The following TNS1 variants were observed in gnomAD, a reference collection of about 807,000 sequenced individuals.
TNS1 encodes tensin 1.
A neutral mutation model predicts 168.6 loss-of-function variants in TNS1; 62 were observed. That is an observed-to-expected ratio of 0.37 (90% CI 0.30 to 0.45). The LOEUF (loss-of-function observed/expected upper bound fraction) is 0.45. TNS1 is among the 20% of genes least tolerant of loss of function. The probability of loss-of-function intolerance (pLI) is 1.00; values close to 1 mark genes in which losing one functional copy is unlikely to be tolerated. For synonymous variants in TNS1, 934 were observed against 933.2 expected (o/e 1.00, Z -0.02); for missense variants, 2,240 against 2,339.4 (o/e 0.96, Z 0.88).
At position 217,890,987 on chromosome 2, in the gene TNS1, G is replaced by T; in HGVS notation, c.841C>A (p.Pro281Thr). The T allele has an allele frequency of 6.2e-7, 1 of 1,614,216 alleles. No individual in the cohort carries two copies. The change falls in exon 12 of 33, where the codon CCC (proline) becomes ACC (threonine). Residue 281 changes from proline to threonine, a missense_variant. Physicochemically the swap from Pro to Thr is conservative, Grantham distance 38. Around this residue, in one of 2 missense-constraint regions of TNS1, gnomAD observed 2,131 missense variants for 2,171.2 expected, o/e 0.98. Coordinates refer to ENST00000682258, the MANE Select transcript of TNS1 (RefSeq NM_001387777.1). ...CTTCTTTGGGATGGCTGGCCAATGG[G>T]CACAATCTTATCCTCATAGAACCGC... ...MKRFYEDKIV[P>T]IGQPSQRRYV... is the part of the protein sequence containing the mutation.
chr2:217,836,063 C>T lies in TNS1; in HGVS notation c.3156G>A (p.Pro1052=), dbSNP rs764629972. 22 of 1,613,878 alleles carry T rather than the reference C, an allele frequency of 1.4e-5. No homozygotes were observed. The highest frequency in any genetic ancestry group is 1.1e-4 in the East Asian group (5 of 44,884). ...GVRSPVQCVS[P]ELALTIALNP... ...TGAGAGCGATGGTAAGAGCCAGCTCCGGGGAGACACACTGGACAGGGGAGC... is the reference window on the plus strand; with the variant it reads ...TGAGAGCGATGGTAAGAGCCAGCTCTGGGGAGACACACTGGACAGGGGAGC... The change falls in exon 20 of 33, where the codon CCG becomes CCA. Residue 1052 remains proline (P), a synonymous_variant. Coordinates refer to ENST00000682258, the MANE Select transcript of TNS1 (RefSeq NM_001387777.1).
intron 12 of TNS1, 189 bp downstream of exon 12, chr2:217,890,773 C>A: frequency 1.6e-6 from 1 of 626,800 alleles, no homozygotes; most frequent in Non-Finnish European, 2.8e-6. Flanking sequence ...CGGGCACACA[C>A]CACAGGCTGG....
chr2:218,010,297 C>A (rs561298710), exon 1 of TNS1: 3 of 397,276 alleles, frequency 7.6e-6, no homozygotes, highest in Admixed American at 8.8e-5. Context: ...GGAAGGCGGG[C>A]GCCCTGCCCT....
chr2:217,991,904 GA>G (rs908921183), intron 1 of TNS1, among the ~76,000 whole-genome samples: 4 of 152,050 alleles, frequency 2.6e-5, no homozygotes, highest in Non-Finnish European at 5.9e-5. Context: ...CCTCATGCAT[GA>G]GAGGCAGGCT....
chr2:217,815,583 G>A (rs528661300), intron 24 of TNS1, among the ~76,000 whole-genome samples: 30 of 152,280 alleles, frequency 2.0e-4, no homozygotes, highest in Middle Eastern at 3.4e-3. Flanking sequence ...CTGGGTGGCT[G>A]AGCCACCTCC....
intron 3 of TNS1, among the ~76,000 whole-genome samples, chr2:217,960,048 C>T (rs1414504772): frequency 6.6e-6 from 1 of 152,010 alleles, no homozygotes; most frequent in Non-Finnish European, 1.5e-5. Context: ...AGAAGGGACT[C>T]TCAGTAGGGC....
At chr2:217,892,925 G>A in intron 11 of TNS1, 23 bp downstream of exon 11, 1 of 1,613,306 alleles carries the variant, frequency 6.2e-7, no homozygotes, top group Non-Finnish European at 8.5e-7. Context: ...TTCAGAGGAT[G>A]GGAGGCTCCA....
chr2:217,821,760 G>T lies in TNS1; in HGVS notation c.3552C>A (p.Ser1184Arg), dbSNP rs764784964. The T allele has an allele frequency of 1.3e-6, 2 of 1,494,464 alleles. No homozygotes were observed. Among genetic ancestry groups the T allele is most frequent in the Non-Finnish European group, 1.8e-6 (2 of 1,125,164 alleles). The allele number at this position is 1,494,464 out of a possible 1,614,324, so 92.6% of individuals were successfully genotyped here. A position where few individuals can be genotyped will look rare whatever the true frequency, so the allele number is the denominator to read the frequency against. Residue 1184 changes from serine to arginine, a missense_variant, in exon 23 of 33, where the codon AGC becomes AGA. By Grantham distance (110) the Ser-to-Arg change is moderately radical (BLOSUM62 -1). Around this residue, in one of 2 missense-constraint regions of TNS1, gnomAD observed 2,131 missense variants for 2,171.2 expected, o/e 0.98. Transcript: ENST00000682258. ...CTTACCTGTCAGCACTGAGGATGGG[G>T]CTGCTGGTGGAGAGGGGGCTGGGGG... is the stretch of plus-strand genomic sequence containing the variant. ...FVSPSPLSTS[S>R]PILSADSTSV... is the part of the protein sequence containing the mutation.
intron 3 of TNS1, among the ~76,000 whole-genome samples, chr2:217,932,600 C>CTTAATG (rs1307657539): frequency 6.6e-6 from 1 of 152,160 alleles, no homozygotes; most frequent in African/African-American, 2.4e-5. Flanking sequence ...AGCACGTAAT[C>CTTAATG]TTCACCTCAC....
intron 18 of TNS1, chr2:217,850,144 G>C: frequency 1.5e-5 from 15 of 985,354 alleles, no homozygotes; most frequent in Non-Finnish European, 1.8e-5. Context: ...GGTATGCCGG[G>C]CAGGATCACA....
At chr2:217,857,198 G>A (rs983564434) in intron 18 of TNS1, among the ~76,000 whole-genome samples, 1 of 152,216 alleles carries the variant, frequency 6.6e-6, no homozygotes, top group Admixed American at 6.5e-5. Context: ...GATCTCCAGG[G>A]CCCGGGAGGT....
At chr2:217,855,923 G>C (rs1336213514) in intron 18 of TNS1, among the ~76,000 whole-genome samples, 1 of 152,128 alleles carries the variant, frequency 6.6e-6, no homozygotes, top group African/African-American at 2.4e-5. Flanking sequence ...GCATGGTGGA[G>C]GTCCCTGAGC....
Position 217,847,584 on chromosome 2 carries a change from G to A in TNS1, c.2933C>T (p.Ala978Val), listed in dbSNP as rs139522869. The change falls in exon 19 of 33, where the codon GCG (alanine) becomes GTG (valine). Residue 978 changes from alanine to valine, a missense_variant. Physicochemically the swap from Ala to Val is moderately conservative, Grantham distance 64. Around this residue, in one of 2 missense-constraint regions of TNS1, gnomAD observed 2,131 missense variants for 2,171.2 expected, o/e 0.98. Coordinates refer to ENST00000682258, the MANE Select transcript of TNS1 (RefSeq NM_001387777.1). Reference sequence around the variant, plus strand: ...TGGAGTCCGGGAGGGGTCTGAAGTCGCTTCCTTTGGTGAGAGCAGAGGCTG... The same window carrying A: ...TGGAGTCCGGGAGGGGTCTGAAGTCACTTCCTTTGGTGAGAGCAGAGGCTG... Reference protein sequence around the residue: ...TAQPLLSPKEATSDPSRTPEE... With the variant: ...TAQPLLSPKEVTSDPSRTPEE... 62 of 1,505,562 alleles carry A rather than the reference G, an allele frequency of 4.1e-5. No individual in the cohort carries two copies. The highest frequency in any genetic ancestry group is 1.8e-4 in the Middle Eastern group (1 of 5,616). The allele number at this position is 1,505,562 out of a possible 1,614,324, so 93.3% of individuals were successfully genotyped here.
chr2:217,996,723 T>G (rs1958476540), intron 1 of TNS1, among the ~76,000 whole-genome samples: 1 of 151,844 alleles, frequency 6.6e-6, no homozygotes, highest in African/African-American at 2.4e-5. Flanking sequence ...TCCCCAGGGC[T>G]CTTGCAGCAG....
At chr2:217,975,799 C>T in intron 3 of TNS1, among the ~76,000 whole-genome samples, 1 of 152,204 alleles carries the variant, frequency 6.6e-6, no homozygotes, top group Non-Finnish European at 1.5e-5. Flanking sequence ...CCCAGCCCCT[C>T]CTCACTGCTT....
chr2:217,901,724 GAAGT>G (rs1953003686), intron 6 of TNS1: 1 of 152,250 alleles, frequency 6.6e-6, no homozygotes, highest in Admixed American at 6.5e-5. Flanking sequence ...AAGTCCCTGG[GAAGT>G]TGACGGCCAG....
At chr2:217,916,788 T>G (rs1955058833) in intron 4 of TNS1, among the ~76,000 whole-genome samples, 1 of 151,860 alleles carries the variant, frequency 6.6e-6, no homozygotes, top group Non-Finnish European at 1.5e-5. Context: ...GGATGAGAGG[T>G]CCTAATCCCA....
upstream of TNS1, among the ~76,000 whole-genome samples, chr2:218,014,567 T>G (rs1958739227): frequency 6.6e-6 from 1 of 152,218 alleles, no homozygotes; most frequent in Admixed American, 6.5e-5. Flanking sequence ...CTATCTAATA[T>G]GGACTCTGTG....
At chr2:217,896,963 G>T (rs552609717) in intron 8 of TNS1, among the ~76,000 whole-genome samples, 2 of 152,092 alleles carry the variant, frequency 1.3e-5, no homozygotes, top group South Asian at 2.1e-4. Flanking sequence ...TTACTGTTGG[G>T]TTTTTTCTGA....
Sources: gnomAD v4.1 joint callset for allele counts (sites outside exome capture counted in the v4.1 genomes callset) on GRCh38, gnomAD v4.1.1 for gene constraint, gnomAD v4.1.1 regional missense constraint, MANE v1.5 for transcripts, NCBI Gene and HGNC (gene_info 2026-07-23, HGNC 2026-07-21) for gene names.